The following ARFIP2 variants were observed in gnomAD, a reference collection of about 807,000 sequenced individuals.
The protein encoded by ARFIP2 is arfaptin-2.
A neutral mutation model predicts 39.2 loss-of-function variants in ARFIP2; 14 were observed. The ratio of observed to expected loss-of-function variants is 0.36; its 90% confidence interval spans 0.24 to 0.56. ARFIP2 has a LOEUF of 0.56. ARFIP2 is among the 20% of genes least tolerant of loss of function. The pLI is 0.85. For missense variants in ARFIP2, 305 were observed against 422.5 expected (o/e 0.72, Z 2.44); for synonymous variants, 167 against 172.4 (o/e 0.97, Z 0.24).
At chr11:6,479,876 A>G (rs764163979) in intron 3 of ARFIP2, 96 bp downstream of exon 3, 9 of 1,239,890 alleles carry the variant, frequency 7.3e-6, no homozygotes, top group Non-Finnish European at 1.1e-5. Flanking sequence ...CAAGATCTCC[A>G]GACATAATTC....
intron 3 of ARFIP2, chr11:6,479,635 A>C (rs1012309790): frequency 5.3e-5 from 29 of 542,166 alleles, no homozygotes; most frequent in Non-Finnish European, 9.1e-5. Flanking sequence ...TTGTTCCTCT[A>C]AACTTTAGAA....
In ARFIP2 at chr11:6,477,627, A is replaced by C. The variant is rs1851221597; in HGVS notation, c.870+91T>G. 1 of 1,439,544 alleles carries C rather than the reference A, an allele frequency of 6.9e-7. No individual in the cohort carries two copies. Among genetic ancestry groups the C allele is most frequent in the South Asian group, 1.3e-5 (1 of 77,092 alleles). The allele number at this position is 1,439,544 out of a possible 1,614,324, so 89.2% of individuals were successfully genotyped here. A position where few individuals can be genotyped will look rare whatever the true frequency, so the allele number is the denominator to read the frequency against. Reference sequence around the variant, plus strand: ...ACACTCTACTCCCCAGCTAGGCTGCATTTCCTCATTCAATAATGGGGAGGG... The same window carrying C: ...ACACTCTACTCCCCAGCTAGGCTGCCTTTCCTCATTCAATAATGGGGAGGG... On this transcript the variant is annotated intron_variant, in intron 7 of 7. Transcript: ENST00000396777. The surrounding 1 kb of genome is among the most constrained non-coding windows in gnomAD (Gnocchi z 4.8).
At position 6,480,053 on chromosome 11, in the gene ARFIP2, T is replaced by A; in HGVS notation, c.115A>T (p.Met39Leu). 1 of 1,613,778 alleles carries A rather than the reference T, an allele frequency of 6.2e-7. No individual in the cohort carries two copies. The highest frequency in any genetic ancestry group is 1.1e-5 in the South Asian group (1 of 91,040). Residue 39 changes from methionine (M) to leucine (L), a missense_variant, in exon 3 of 8, where the codon ATG becomes TTG. Coordinates refer to ENST00000396777, the MANE Select transcript of ARFIP2 (RefSeq NM_001376558.2). The stretch of plus-strand genomic sequence containing the variant: ...TCATTGAGGTTGGGTCCTGACACCA[T>A]CACCTGCTGGAGGTCCTATAGGCCA... ...DGLEQDLQQV[M>L]VSGPNLNETS... is the part of the protein sequence containing the mutation.
At chr11:6,479,108 T>G (rs1353179093) in intron 4 of ARFIP2, 32 bp downstream of exon 4, 4 of 1,606,758 alleles carry the variant, frequency 2.5e-6, no homozygotes, top group Non-Finnish European at 3.4e-6. Context: ...CCATAAGGAG[T>G]TTTGGGGAAG....
Position 6,478,435 on chromosome 11 carries a change from T to TA in ARFIP2, c.538-238_538-237insT. 1.0e-6 allele frequency: 1 copy of TA among 964,338 alleles called. No homozygotes were observed. The highest frequency in any genetic ancestry group is 2.6e-5 in the East Asian group (1 of 37,802). 59.7% of individuals were successfully genotyped at this position (964,338 alleles called of 1,614,324 possible). On this transcript the variant is annotated intron_variant, in intron 5 of 7. Coordinates refer to ENST00000396777, the MANE Select transcript of ARFIP2 (RefSeq NM_001376558.2). The surrounding 1 kb of genome is among the most constrained non-coding windows in gnomAD (Gnocchi z 4.8). The stretch of plus-strand genomic sequence containing the variant: ...GTAAGTTCACAAGACTGGAACAGTC[T>TA]GAGAGCTAGTGTGGCAAGCAGGGGA...
chr11:6,481,027 G>T, intron 1 of ARFIP2: 1 of 213,006 alleles, frequency 4.7e-6, no homozygotes, highest in Non-Finnish European at 9.5e-6. Flanking sequence ...TATGTTCCCA[G>T]TCTCTGGTAA....
chr11:6,477,706 TG>T lies in ARFIP2; in HGVS notation c.870+11del. 1 of 1,612,190 alleles carries T rather than the reference TG, an allele frequency of 6.2e-7. No individual in the cohort carries two copies. Among genetic ancestry groups the T allele is most frequent in the Non-Finnish European group, 8.5e-7 (1 of 1,179,014 alleles). On this transcript the variant is annotated intron_variant, in intron 7 of 7. Coordinates refer to ENST00000396777, the MANE Select transcript of ARFIP2 (RefSeq NM_001376558.2). The surrounding 1 kb of genome is among the most constrained non-coding windows in gnomAD (Gnocchi z 4.8). The stretch of plus-strand genomic sequence containing the variant: ...GAAAGGTGGGCTAGGGTCAAGGGGG[TG>T]GGGTTGGCACCTTGTTTTCTTCCAG...
intron 4 of ARFIP2, 79 bp downstream of exon 4, chr11:6,479,061 G>A: frequency 1.3e-6 from 2 of 1,577,576 alleles, no homozygotes; most frequent in East Asian, 4.5e-5. Context: ...AGCCACAGAT[G>A]GGATATTACG....
chr11:6,478,452 A>G lies in ARFIP2; in HGVS notation c.538-254T>C, dbSNP rs1851340546. On this transcript the variant is annotated intron_variant, in intron 5 of 7. Coordinates refer to ENST00000396777, the MANE Select transcript of ARFIP2 (RefSeq NM_001376558.2). The surrounding 1 kb of genome is among the most constrained non-coding windows in gnomAD (Gnocchi z 4.8). Reference sequence around the variant, plus strand: ...GAACAGTCTGAGAGCTAGTGTGGCAAGCAGGGGAGGGGCTCTGATTAGGCT... The same window carrying G: ...GAACAGTCTGAGAGCTAGTGTGGCAGGCAGGGGAGGGGCTCTGATTAGGCT... 9.5e-7 allele frequency: 1 copy of G among 1,048,834 alleles called. No homozygotes were observed. Among genetic ancestry groups the G allele is most frequent in the Non-Finnish European group, 1.3e-6 (1 of 747,870 alleles). 65.0% of individuals were successfully genotyped at this position (1,048,834 alleles called of 1,614,324 possible).
chr11:6,479,685 C>A, intron 3 of ARFIP2: 2 of 540,696 alleles, frequency 3.7e-6, no homozygotes, highest in Non-Finnish European at 3.3e-6. Flanking sequence ...TCCAACTCAG[C>A]CTCAAGCTGT....
At chr11:6,479,031 C>A in intron 4 of ARFIP2, 72 bp from the exon 5 acceptor site, 2 of 1,570,746 alleles carry the variant, frequency 1.3e-6, no homozygotes, top group Non-Finnish European at 8.7e-7. Context: ...TACCCCAGCA[C>A]CCCCCAGGCT....
Position 6,478,863 on chromosome 11 carries a change from G to A in ARFIP2, c.412C>T (p.Arg138Cys), listed in dbSNP as rs142239331. The A allele has an allele frequency of 3.5e-5, 57 of 1,614,052 alleles. 1 individual carries two copies. The highest frequency in any genetic ancestry group is 1.6e-4 in the Middle Eastern group (1 of 6,084). ...LQIELLRETK[R>C]KYESVLQLGR... The stretch of plus-strand genomic sequence containing the variant: ...AGCTGCAGGACACTCTCATACTTGC[G>A]CTTCGTCTCACGCAGCAACTCAATC... Residue 138 changes from arginine to cysteine, a missense_variant, in exon 5 of 8, where the codon CGC (arginine) becomes TGC (cysteine). By Grantham distance (180) the Arg-to-Cys change is radical. Around this residue, in one of 3 missense-constraint regions of ARFIP2, gnomAD observed 151 missense variants for 203.1 expected, o/e 0.74. Transcript: ENST00000396777. This position sits in a 1 kb window ranked among gnomAD's most constrained non-coding sequence, Gnocchi z 4.8.
chr11:6,481,171 C>T, intron 1 of ARFIP2, 60 bp downstream of exon 1: 1 of 485,158 alleles, frequency 2.1e-6, no homozygotes, highest in Non-Finnish European at 3.7e-6. Flanking sequence ...CTCGGGGCAT[C>T]TTGCCCTCTG....
In ARFIP2 at chr11:6,477,057, C is replaced by T; in HGVS notation, c.*56G>A. On this transcript the variant is annotated 3_prime_UTR_variant, in exon 8 of 8. Coordinates refer to ENST00000396777, the MANE Select transcript of ARFIP2 (RefSeq NM_001376558.2). The surrounding 1 kb of genome is among the most constrained non-coding windows in gnomAD (Gnocchi z 4.8). ...ATGTACCATGTCCAATCTCCCACACCCTGGGGCTGCCCTTCCCAATGTCTT... is the reference window on the plus strand; with the variant it reads ...ATGTACCATGTCCAATCTCCCACACTCTGGGGCTGCCCTTCCCAATGTCTT... 1.3e-6 allele frequency: 2 copies of T among 1,551,152 alleles called. No individual in the cohort carries two copies. The highest frequency in any genetic ancestry group is 1.8e-6 in the Non-Finnish European group (2 of 1,142,710).
Position 6,477,153 on chromosome 11 carries a change from G to A in ARFIP2, c.986C>T (p.Pro329Leu). 2 of 1,611,766 alleles carry A rather than the reference G, an allele frequency of 1.2e-6. No individual in the cohort carries two copies. The highest frequency in any genetic ancestry group is 1.7e-6 in the Non-Finnish European group (2 of 1,178,750). ...CCAGGAGGGTTTCTCAGCTCCTGGA[G>A]GCCGCAGCTTGATGTTGAACTGCTG... The part of the protein sequence containing the change: ...TLQQFNIKLR[P>L]PGAEKPSWLE... The change falls in exon 8 of 8, where the codon CCT becomes CTT. Residue 329 changes from proline to leucine, a missense_variant. Pro to Leu is a moderately conservative substitution (Grantham distance 98, BLOSUM62 -3). Coordinates refer to ENST00000396777, the MANE Select transcript of ARFIP2 (RefSeq NM_001376558.2). This position sits in a 1 kb window ranked among gnomAD's most constrained non-coding sequence, Gnocchi z 4.8.
chr11:6,479,177 A>C lies in ARFIP2; in HGVS notation c.278T>G (p.Phe93Cys). 1 of 1,614,132 alleles carries C rather than the reference A, an allele frequency of 6.2e-7. No homozygotes were observed. Among genetic ancestry groups the C allele is most frequent in the Non-Finnish European group, 8.5e-7 (1 of 1,180,024 alleles). Residue 93 changes from phenylalanine (F) to cysteine (C), a missense_variant, in exon 4 of 8, where the codon TTT becomes TGT. Transcript: ENST00000396777. Reference protein sequence around the residue: ...EVARGIAGEKFDIVKKWGINT... With the variant: ...EVARGIAGEKCDIVKKWGINT... ...GATGCCCCATTTCTTGACGATGTCA[A>C]ACTTTTCTCCAGCAATGCCCCGAGC...
At position 6,476,939 on chromosome 11, in the gene ARFIP2, C is replaced by T; in HGVS notation, c.*174G>A. 1 of 695,242 alleles carries T rather than the reference C, an allele frequency of 1.4e-6. No homozygotes were observed. The highest frequency in any genetic ancestry group is 2.3e-6 in the Non-Finnish European group (1 of 435,698). 43.1% of individuals were successfully genotyped at this position (695,242 alleles called of 1,614,324 possible). A position where few individuals can be genotyped will look rare whatever the true frequency, so the allele number is the denominator to read the frequency against. On this transcript the variant is annotated 3_prime_UTR_variant, in exon 8 of 8. Transcript: ENST00000396777. ...AGACAGGGCAGCAACTTCTGGGCCT[C>T]CAGGCCCTCTTCCCACCATAGCAAT... is the stretch of plus-strand genomic sequence containing the variant.
intron 2 of ARFIP2, 70 bp downstream of exon 2, chr11:6,480,253 A>T: frequency 6.7e-7 from 1 of 1,500,284 alleles, no homozygotes; most frequent in Non-Finnish European, 9.2e-7. Context: ...ACTGGAATGG[A>T]GGGTGAGAAC....
intron 3 of ARFIP2, 171 bp from the exon 4 acceptor site, chr11:6,479,429 C>T: frequency 7.3e-7 from 1 of 1,362,442 alleles, no homozygotes; most frequent in Non-Finnish European, 1.0e-6. Context: ...GCGGTGAGAA[C>T]CAAATCCTGA....
Sources: allele counts gnomAD v4.1 joint callset, GRCh38; gene constraint gnomAD v4.1.1; regional missense constraint gnomAD v4.1.1; non-coding constraint Gnocchi (gnomAD v3.1); transcripts MANE v1.5; gene names NCBI Gene and HGNC (gene_info 2026-07-23, HGNC 2026-07-21).